SUPT3H: variants seen among roughly 807,000 people sequenced by gnomAD.
SUPT3H encodes the protein transcription initiation protein SPT3 homolog.
Under a neutral mutation model 44.3 loss-of-function variants are expected in SUPT3H, and 44 were observed. That is an observed-to-expected ratio of 0.99 (90% CI 0.78 to 1.28). The LOEUF is 1.28. SUPT3H is among the 50% of genes most tolerant of loss of function. SUPT3H has a pLI of 0.00. For missense variants in SUPT3H, 380 were observed against 387.1 expected (o/e 0.98, Z 0.15); for synonymous variants, 124 against 125.6 (o/e 0.99, Z 0.09).
intron 2 of SUPT3H, among the ~76,000 whole-genome samples, chr6:45,187,638 G>C (rs1306757182): frequency 6.6e-6 from 1 of 152,134 alleles, no homozygotes; most frequent in Non-Finnish European, 1.5e-5. Context: ...TATATAATCT[G>C]TTCCAGGAAA....
chr6:44,848,981 A>G (rs1279815003), intron 10 of SUPT3H, among the ~76,000 whole-genome samples: 3 of 152,218 alleles, frequency 2.0e-5, no homozygotes, highest in Non-Finnish European at 4.4e-5. Context: ...AACAACTGAT[A>G]AAAACACTAC....
chr6:45,072,362 G>T (rs1382479014), intron 3 of SUPT3H, among the ~76,000 whole-genome samples: 1 of 152,144 alleles, frequency 6.6e-6, no homozygotes, highest in Admixed American at 6.5e-5. Context: ...CTCAAAATGT[G>T]GACCCTGACC....
rs57838175 is a variant in SUPT3H, at chr6:45,175,012, TAAAAAAAAAAAAAAAA to T, written c.102-69022_102-69007del. Among the ~76,000 whole-genome samples, 47 of 62,530 alleles carry T rather than the reference TAAAAAAAAAAAAAAAA, an allele frequency of 7.5e-4. 1 individual carries two copies. Among genetic ancestry groups the T allele is most frequent in the Non-Finnish European group, 1.3e-3 (44 of 34,886 alleles). The allele number at this position is 62,530 out of a possible 152,430, so 41.0% of individuals were successfully genotyped here. A position where few individuals can be genotyped will look rare whatever the true frequency, so the allele number is the denominator to read the frequency against. On this transcript the variant is annotated intron_variant, in intron 2 of 10. Transcript: ENST00000371459. Reference sequence around the variant, plus strand: ...GGGCAACATAGTGAGCCCTCGTCACTAAAAAAAAAAAAAAAAAAAAAAAAAAAATTAAAAAAATTAA... The same window carrying T: ...GGGCAACATAGTGAGCCCTCGTCACTAAAAAAAAAAAATTAAAAAAATTAA...
At chr6:44,891,708 C>T (rs1175802265) in intron 10 of SUPT3H, among the ~76,000 whole-genome samples, 1 of 151,736 alleles carries the variant, frequency 6.6e-6, no homozygotes, top group Non-Finnish European at 1.5e-5. Context: ...TGTGAATGTA[C>T]TGAATTCCAC....
At chr6:44,911,147 T>C (rs896724277) in intron 10 of SUPT3H, among the ~76,000 whole-genome samples, 3 of 152,156 alleles carry the variant, frequency 2.0e-5, no homozygotes, top group Non-Finnish European at 4.4e-5. Context: ...CAAGTAACTA[T>C]TGATAGCACA....
chr6:45,080,879 C>G (rs1457007119), intron 3 of SUPT3H, among the ~76,000 whole-genome samples: 1 of 151,868 alleles, frequency 6.6e-6, no homozygotes, highest in Non-Finnish European at 1.5e-5. Context: ...AGAGTGACTA[C>G]AATCAATAAT....
intron 11 of SUPT3H, among the ~76,000 whole-genome samples, chr6:44,815,499 A>G (rs368435538): frequency 7.2e-5 from 11 of 152,222 alleles, no homozygotes; most frequent in South Asian, 2.1e-4. Context: ...TATGTATAAT[A>G]TAAGTACTGA....
intron 2 of SUPT3H, among the ~76,000 whole-genome samples, chr6:45,178,877 G>C (rs993545528): frequency 5.3e-5 from 8 of 151,578 alleles, no homozygotes; most frequent in African/African-American, 1.5e-4. Flanking sequence ...CGAGAACAAA[G>C]ACACAACATA....
chr6:44,961,931 C>A, intron 6 of SUPT3H, 103 bp from the exon 7 acceptor site: 1 of 823,838 alleles, frequency 1.2e-6, no homozygotes, highest in Non-Finnish European at 1.9e-6. Flanking sequence ...TTTCCTTATT[C>A]CAGGTGAACA....
intron 2 of SUPT3H, among the ~76,000 whole-genome samples, chr6:45,170,382 T>A (rs1357054261): frequency 6.6e-6 from 1 of 152,204 alleles, no homozygotes; most frequent in Non-Finnish European, 1.5e-5. Context: ...GAAATTTTCC[T>A]CAGTCTACAA....
chr6:44,962,557 A>T (rs77536123), intron 6 of SUPT3H, among the ~76,000 whole-genome samples: 1 of 122,948 alleles, frequency 8.1e-6, no homozygotes, highest in Admixed American at 9.2e-5. Context: ...CCCAGCGAAG[A>T]AAAAAAAAAA....
At chr6:45,005,836 T>C (rs1366601573) in intron 5 of SUPT3H, among the ~76,000 whole-genome samples, 1 of 152,170 alleles carries the variant, frequency 6.6e-6, no homozygotes, top group Admixed American at 6.6e-5. Context: ...TTATTTAAAT[T>C]TGTAAAGGTT....
At chr6:44,918,837 A>G (rs1768203232) in intron 10 of SUPT3H, among the ~76,000 whole-genome samples, 1 of 152,176 alleles carries the variant, frequency 6.6e-6, no homozygotes. Flanking sequence ...CACTGAAATA[A>G]ACACTTCCAG....
At chr6:45,155,142 T>C (rs1004132140) in intron 2 of SUPT3H, among the ~76,000 whole-genome samples, 4 of 152,204 alleles carry the variant, frequency 2.6e-5, no homozygotes, top group South Asian at 2.1e-4. Flanking sequence ...CAAATATATA[T>C]GTTGAACCAT....
intron 3 of SUPT3H, among the ~76,000 whole-genome samples, chr6:45,060,771 T>C (rs933937091): frequency 1.3e-4 from 20 of 152,068 alleles, no homozygotes; most frequent in African/African-American, 4.8e-4. Context: ...CACAACCCCA[T>C]TAAAAAGTGG....
intron 2 of SUPT3H, among the ~76,000 whole-genome samples, chr6:45,114,777 A>G (rs1014885689): frequency 6.6e-6 from 1 of 152,170 alleles, no homozygotes; most frequent in Non-Finnish European, 1.5e-5. Flanking sequence ...GAGGAACAGG[A>G]AAGATCTATA....
chr6:45,344,185 A>C (rs1329796453), intron 2 of SUPT3H, among the ~76,000 whole-genome samples: 9 of 152,206 alleles, frequency 5.9e-5, no homozygotes, highest in Non-Finnish European at 1.2e-4. Flanking sequence ...AGTAGTATAC[A>C]AAGAGTTAGA....
chr6:45,229,254 T>C (rs976843350), intron 2 of SUPT3H, among the ~76,000 whole-genome samples: 1 of 152,162 alleles, frequency 6.6e-6, no homozygotes, highest in Non-Finnish European at 1.5e-5. Context: ...AAAATAGCCA[T>C]TATTTAACTA....
At chr6:45,086,978 A>C (rs554242248) in intron 3 of SUPT3H, among the ~76,000 whole-genome samples, 4 of 151,974 alleles carry the variant, frequency 2.6e-5, no homozygotes, top group Non-Finnish European at 5.9e-5. Context: ...ATTTACTTAT[A>C]ATTACATAAT....
Sources: allele counts gnomAD v4.1 joint callset (sites outside exome capture counted in the v4.1 genomes callset), GRCh38; gene constraint gnomAD v4.1.1; transcripts MANE v1.5; gene names NCBI Gene and HGNC (gene_info 2026-07-23, HGNC 2026-07-21).